The following GABBR2 variants were observed in gnomAD, a reference collection of about 807,000 sequenced individuals.
The protein encoded by GABBR2 is G-protein coupled receptor 51.
In GABBR2, 23 loss-of-function variants were observed where a neutral mutation model predicts 105.6. That is an observed-to-expected ratio of 0.22 (90% CI 0.16 to 0.31). GABBR2 has a LOEUF of 0.31. Among genes scored for constraint, GABBR2 ranks in the 10% least tolerant of loss-of-function variants. The pLI is 1.00. For missense variants in GABBR2, 734 were observed against 1,245.5 expected (o/e 0.59, Z 6.18); for synonymous variants, 478 against 499.7 (o/e 0.96, Z 0.58).
At chr9:98,577,853 A>T in intron 2 of GABBR2, 82 bp downstream of exon 2, 1 of 1,366,204 alleles carries the variant, frequency 7.3e-7, no homozygotes. Flanking sequence ...TAGAAACCAC[A>T]TTGTACAAGG....
At chr9:98,646,659 C>T (rs905085762) in intron 1 of GABBR2, among the ~76,000 whole-genome samples, 6 of 152,176 alleles carry the variant, frequency 3.9e-5, no homozygotes, top group Admixed American at 6.5e-5. Context: ...AGGAAGTCTT[C>T]GTTCAGTTGG....
intron 5 of GABBR2, among the ~76,000 whole-genome samples, chr9:98,475,646 A>T (rs1189783620): frequency 6.6e-6 from 1 of 152,228 alleles, no homozygotes; most frequent in Non-Finnish European, 1.5e-5. Context: ...AGTCAAAGGG[A>T]CAAGACTCAA....
intron 13 of GABBR2, among the ~76,000 whole-genome samples, chr9:98,313,580 T>C (rs1363595051): frequency 2.0e-5 from 3 of 152,210 alleles, no homozygotes; most frequent in Non-Finnish European, 4.4e-5. Flanking sequence ...CATACAACTG[T>C]CAAGCACAAA....
At chr9:98,589,890 A>AT (rs1314431903) in intron 1 of GABBR2, among the ~76,000 whole-genome samples, 2 of 151,892 alleles carry the variant, frequency 1.3e-5, no homozygotes, top group African/African-American at 2.4e-5. Flanking sequence ...TAATTTTTTA[A>AT]TTTTTTGTAG....
At chr9:98,320,431 G>A (rs1429107092) in intron 13 of GABBR2, among the ~76,000 whole-genome samples, 1 of 151,684 alleles carries the variant, frequency 6.6e-6, no homozygotes, top group Non-Finnish European at 1.5e-5. Context: ...GATTCCTCAG[G>A]GATCTAGAAC....
chr9:98,470,482 G>A (rs567376471), intron 6 of GABBR2, among the ~76,000 whole-genome samples: 2 of 152,276 alleles, frequency 1.3e-5, no homozygotes, highest in South Asian at 2.1e-4. Context: ...CAGTGTGGGG[G>A]AAACTGTCCC....
At chr9:98,390,511 G>A (rs1337042685) in intron 9 of GABBR2, among the ~76,000 whole-genome samples, 1 of 151,758 alleles carries the variant, frequency 6.6e-6, no homozygotes, top group Admixed American at 6.6e-5. Flanking sequence ...TGGTTAATGT[G>A]AAGCCTTAAG....
chr9:98,590,135 A>G (rs1360131269), intron 1 of GABBR2, among the ~76,000 whole-genome samples: 1 of 152,200 alleles, frequency 6.6e-6, no homozygotes, highest in Non-Finnish European at 1.5e-5. Flanking sequence ...GCTGCCTGGC[A>G]GATACAATCA....
chr9:98,473,378 G>T, intron 5 of GABBR2, 32 bp from the exon 6 acceptor site: 1 of 1,454,522 alleles, frequency 6.9e-7, no homozygotes, highest in Non-Finnish European at 9.7e-7. Context: ...TGAGGGCATT[G>T]AGAGTCGCAC....
chr9:98,536,086 G>A (rs911342658), intron 3 of GABBR2, among the ~76,000 whole-genome samples: 2 of 152,156 alleles, frequency 1.3e-5, no homozygotes, highest in African/African-American at 4.8e-5. Context: ...GGGGCAGGGA[G>A]CGTATGGGAA....
At chr9:98,305,196 C>A (rs749750737) in intron 15 of GABBR2, among the ~76,000 whole-genome samples, 38 of 152,028 alleles carry the variant, frequency 2.5e-4, no homozygotes, top group Non-Finnish European at 3.8e-4. Flanking sequence ...GGATGATGTT[C>A]GAAAAATTTC....
In GABBR2 at chr9:98,473,176, G is replaced by A. The variant is rs745748763; in HGVS notation, c.969C>T (p.Ser323=). The part of the protein sequence containing the change: ...GYIGVDFEPL[S]SKQIKTISGK... ...CTGAGATGGTCTTGATCTGCTTGGA[G>A]CTCAGGGGCTCGAAATCCACGCCAA... Residue 323 remains serine, a synonymous_variant, in exon 6 of 19, where the codon AGC becomes AGT. Coordinates refer to ENST00000259455, the MANE Select transcript of GABBR2 (RefSeq NM_005458.8). 14 of 1,613,676 alleles carry A rather than the reference G, an allele frequency of 8.7e-6. No individual in the cohort carries two copies. The highest frequency in any genetic ancestry group is 1.2e-5 in the Non-Finnish European group (14 of 1,179,884).
intron 3 of GABBR2, among the ~76,000 whole-genome samples, chr9:98,520,559 C>G (rs1401765654): frequency 6.6e-6 from 1 of 152,232 alleles, no homozygotes; most frequent in Non-Finnish European, 1.5e-5. Flanking sequence ...TCTGCAACCC[C>G]CTCCCCACAA....
chr9:98,447,537 ATGTGTGTGTGTGTGTG>A (rs58069151), intron 7 of GABBR2, among the ~76,000 whole-genome samples: 24 of 142,400 alleles, frequency 1.7e-4, no homozygotes, highest in South Asian at 7.3e-4. Context: ...ACTAGTATGT[ATGTGTGTGTGTGTGTG>A]TGTGTGTGTG....
chr9:98,530,905 ATG>A (rs1207445491), intron 3 of GABBR2, among the ~76,000 whole-genome samples: 2 of 151,994 alleles, frequency 1.3e-5, no homozygotes. Flanking sequence ...CAAGGTCCTG[ATG>A]TGTGTGTGTA....
intron 1 of GABBR2, among the ~76,000 whole-genome samples, chr9:98,661,417 C>G (rs1048260730): frequency 1.3e-5 from 2 of 150,920 alleles, no homozygotes; most frequent in Admixed American, 1.3e-4. Flanking sequence ...CCCCACCCCC[C>G]CGATATGGAG....
At chr9:98,338,272 T>A (rs1831150900) in intron 13 of GABBR2, among the ~76,000 whole-genome samples, 1 of 152,148 alleles carries the variant, frequency 6.6e-6, no homozygotes, top group African/African-American at 2.4e-5. Context: ...ATATATAAAT[T>A]GCACTTTATC....
At chr9:98,385,210 A>G (rs937771932) in intron 11 of GABBR2, among the ~76,000 whole-genome samples, 1 of 152,090 alleles carries the variant, frequency 6.6e-6, no homozygotes, top group African/African-American at 2.4e-5. Flanking sequence ...TAAGTCCAGT[A>G]TCTTTATTTC....
chr9:98,454,010 T>C lies in GABBR2; in HGVS notation c.1207A>G (p.Met403Val). ...HTLGRIILNAMNETNFFGVTG... is the reference protein window; with the variant it reads ...HTLGRIILNAVNETNFFGVTG... ...ACCCCGAAGAAGTTGGTCTCGTTCATGGCATTGAGGATGATCCTGCCCAGC... is the reference window on the plus strand; with the variant it reads ...ACCCCGAAGAAGTTGGTCTCGTTCACGGCATTGAGGATGATCCTGCCCAGC... The change falls in exon 7 of 19, where the codon ATG becomes GTG. Residue 403 changes from methionine (M) to valine (V), a missense_variant. Transcript: ENST00000259455. This position sits in a 1 kb window ranked among gnomAD's most constrained non-coding sequence, Gnocchi z 4.6. 1.2e-6 allele frequency: 2 copies of C among 1,614,050 alleles called. No individual in the cohort carries two copies. The highest frequency in any genetic ancestry group is 1.7e-6 in the Non-Finnish European group (2 of 1,179,870).
Sources: gnomAD v4.1 joint callset for allele counts (sites outside exome capture counted in the v4.1 genomes callset) on GRCh38, gnomAD v4.1.1 for gene constraint, Gnocchi (gnomAD v3.1) non-coding constraint, MANE v1.5 for transcripts, NCBI Gene and HGNC (gene_info 2026-07-23, HGNC 2026-07-21) for gene names.